The following ZNF536 variants were observed in gnomAD, a reference collection of about 807,000 sequenced individuals.
ZNF536 encodes the protein zinc finger protein 536.
ZNF536 carries 13 observed loss-of-function variants against 84.5 expected under a neutral mutation model. The ratio of observed to expected loss-of-function variants is 0.15; its 90% CI spans 0.10 to 0.24. The LOEUF (loss-of-function observed/expected upper bound fraction) is 0.24. ZNF536 is among the 10% of genes least tolerant of loss of function. The pLI is 1.00. For missense variants in ZNF536, 1,536 were observed against 1,747.5 expected, an observed-to-expected ratio of 0.88 and a Z score of 2.16; for synonymous variants, 811 against 742.5, an observed-to-expected ratio of 1.09 and a Z score of -1.50.
intron 1 of ZNF536, among the ~76,000 whole-genome samples, chr19:30,283,551 A>G (rs147646225): frequency 6.6e-6 from 1 of 152,356 alleles, no homozygotes; most frequent in Non-Finnish European, 1.5e-5. Flanking sequence ...TCTAAGCCTC[A>G]GTCAGTTGCA....
At chr19:30,507,698 A>T (rs886225576) in intron 2 of ZNF536, among the ~76,000 whole-genome samples, 3 of 152,222 alleles carry the variant, frequency 2.0e-5, no homozygotes, top group Admixed American at 2.0e-4. Context: ...AGATAAGGCA[A>T]GTCAAAGGAG....
intron 1 of ZNF536, among the ~76,000 whole-genome samples, chr19:30,441,782 G>A (rs1209260334): frequency 1.3e-5 from 2 of 152,232 alleles, no homozygotes; most frequent in Non-Finnish European, 2.9e-5. Context: ...AGTTGGCCCA[G>A]CACCACCACT....
intron 3 of ZNF536, among the ~76,000 whole-genome samples, chr19:30,354,754 G>A (rs925905835): frequency 3.3e-5 from 5 of 152,170 alleles, no homozygotes; most frequent in Non-Finnish European, 7.3e-5. Flanking sequence ...CAAGAAAGGG[G>A]GCAGGTATTA....
intron 1 of ZNF536, among the ~76,000 whole-genome samples, chr19:30,662,532 G>A (rs1469539539): frequency 6.6e-6 from 1 of 151,696 alleles, no homozygotes; most frequent in South Asian, 2.1e-4. Context: ...AGTCTCTCCC[G>A]CAGATGGGGG....
At position 30,548,804 on chromosome 19, in the gene ZNF536, A is replaced by C. The variant is rs200324067; in HGVS notation, c.3185A>C (p.Asp1062Ala). ...ALLPSLQSNK[D>A]LGLSNMISSL... The stretch of plus-strand genomic sequence containing the variant: ...CTGCCCTCGTTACAATCAAACAAAG[A>C]CCTGGGCCTCTCCAATATGATCAGC... Residue 1062 changes from aspartate (D) to alanine (A), a missense_variant, in exon 4 of 5, where the codon GAC (aspartate) becomes GCC (alanine). Coordinates refer to ENST00000355537, the MANE Select transcript of ZNF536 (RefSeq NM_014717.3). The C allele has an allele frequency of 6.2e-7, 1 of 1,613,810 alleles. No individual in the cohort carries two copies. Among genetic ancestry groups the C allele is most frequent in the Non-Finnish European group, 8.5e-7 (1 of 1,179,992 alleles).
At chr19:30,617,333 C>CTTTTTTTTTTTTTTTTTTTTTTTTTTT (rs556835599) in intron 1 of ZNF536, among the ~76,000 whole-genome samples, 3 of 37,712 alleles carry the variant, frequency 8.0e-5, no homozygotes, top group Non-Finnish European at 1.2e-4. Context: ...GAATAGCTTA[C>CTTTTTTTTTTTTTTTTTTTTTTTTTTT]TTTTTTTTTT....
At chr19:30,642,434 C>A (rs1435154208) in intron 1 of ZNF536, among the ~76,000 whole-genome samples, 1 of 152,030 alleles carries the variant, frequency 6.6e-6, no homozygotes, top group Non-Finnish European at 1.5e-5. Flanking sequence ...ATGGCATTTG[C>A]CTTCCAGGTT....
chr19:30,393,618 G>T (rs2049690893), intron 1 of ZNF536, among the ~76,000 whole-genome samples: 1 of 152,186 alleles, frequency 6.6e-6, no homozygotes, highest in Non-Finnish European at 1.5e-5. Flanking sequence ...TCAGGCAGGG[G>T]TTACATGGAA....
At chr19:30,677,640 T>C (rs2050800406) in intron 1 of ZNF536, among the ~76,000 whole-genome samples, 1 of 152,264 alleles carries the variant, frequency 6.6e-6, no homozygotes, top group South Asian at 2.1e-4. Flanking sequence ...CCCTGCATGC[T>C]GCAGATACAG....
chr19:30,410,586 T>G (rs1434866351), intron 1 of ZNF536, among the ~76,000 whole-genome samples: 1 of 150,092 alleles, frequency 6.7e-6, no homozygotes, highest in Non-Finnish European at 1.5e-5. Flanking sequence ...GCCATTCTCC[T>G]GCCTCAGCCT....
intron 2 of ZNF536, among the ~76,000 whole-genome samples, chr19:30,301,440 G>A (rs867764066): frequency 6.6e-6 from 1 of 152,086 alleles, no homozygotes; most frequent in Admixed American, 6.5e-5. Context: ...TATCACTCTG[G>A]GTAACTTTGT....
chr19:30,649,040 G>A (rs1179882351), intron 1 of ZNF536, among the ~76,000 whole-genome samples: 2 of 152,162 alleles, frequency 1.3e-5, no homozygotes, highest in Non-Finnish European at 2.9e-5. Flanking sequence ...GACGGCTGGG[G>A]TCCTGATTCC....
chr19:30,288,675 C>T (rs1305047260), intron 2 of ZNF536, among the ~76,000 whole-genome samples: 1 of 152,186 alleles, frequency 6.6e-6, no homozygotes, highest in Non-Finnish European at 1.5e-5. Context: ...GCTGTCTGAC[C>T]CAGTGTCAAG....
intron 2 of ZNF536, among the ~76,000 whole-genome samples, chr19:30,341,137 T>A (rs1206574170): frequency 6.6e-6 from 1 of 152,218 alleles, no homozygotes; most frequent in Non-Finnish European, 1.5e-5. Context: ...TTAAGAGCAG[T>A]TTTTATAACA....
intron 3 of ZNF536, among the ~76,000 whole-genome samples, chr19:30,362,911 T>C (rs1243177788): frequency 2.0e-5 from 3 of 152,074 alleles, no homozygotes; most frequent in Middle Eastern, 3.4e-3. Flanking sequence ...ATACAAAAAT[T>C]AGCCAGGCGT....
At chr19:30,696,338 T>A (rs1839627814) in intron 1 of ZNF536, among the ~76,000 whole-genome samples, 1 of 152,302 alleles carries the variant, frequency 6.6e-6, no homozygotes, top group Non-Finnish European at 1.5e-5. Flanking sequence ...CTCTTTGGTT[T>A]CTCCCGGCAT....
intron 1 of ZNF536, among the ~76,000 whole-genome samples, chr19:30,423,884 G>C (rs1485871585): frequency 6.6e-6 from 1 of 152,110 alleles, no homozygotes; most frequent in African/African-American, 2.4e-5. Flanking sequence ...AATATGATGG[G>C]GATTTCAGGG....
chr19:30,574,786 CTATG>C (rs959331005), intron 1 of ZNF536, among the ~76,000 whole-genome samples: 1 of 152,220 alleles, frequency 6.6e-6, no homozygotes, highest in African/African-American at 2.4e-5. Flanking sequence ...ACTATAATAT[CTATG>C]TATTTGTTAT....
intron 3 of ZNF536, among the ~76,000 whole-genome samples, chr19:30,536,333 T>C (rs2045078666): frequency 6.6e-6 from 1 of 152,108 alleles, no homozygotes; most frequent in Non-Finnish European, 1.5e-5. Flanking sequence ...GGGACTTAGC[T>C]TTACTGGGAT....
Sources: allele counts gnomAD v4.1 joint callset (sites outside exome capture counted in the v4.1 genomes callset), GRCh38; gene constraint gnomAD v4.1.1; transcripts MANE v1.5; gene names NCBI Gene and HGNC (gene_info 2026-07-23, HGNC 2026-07-21).